The following DDAH1 variants were observed in gnomAD, a reference collection of about 807,000 sequenced individuals.
The protein encoded by DDAH1 is dimethylarginine dimethylaminohydrolase 1.
In DDAH1, 19 loss-of-function variants were observed where a neutral mutation model predicts 28.8. The ratio of observed to expected loss-of-function variants is 0.66; its 90% CI spans 0.46 to 0.97. The LOEUF (loss-of-function observed/expected upper bound fraction) is 0.97. Among genes scored for constraint, DDAH1 ranks in the 50% least tolerant of loss-of-function variants. The pLI is 0.00. For synonymous variants in DDAH1, 153 were observed against 154.4 expected (o/e 0.99, Z 0.07); for missense variants, 326 against 375.9 (o/e 0.87, Z 1.10).
chr1:85,406,337 A>T (rs1412669901), intron 1 of DDAH1, among the ~76,000 whole-genome samples: 3 of 152,144 alleles, frequency 2.0e-5, no homozygotes, highest in African/African-American at 7.2e-5. Context: ...TAAACTTAAA[A>T]ATATTTTTTT....
intron 1 of DDAH1, among the ~76,000 whole-genome samples, chr1:85,427,699 TTCTC>T (rs1653475378): frequency 1.3e-5 from 2 of 152,200 alleles, no homozygotes; most frequent in African/African-American, 2.4e-5. Flanking sequence ...AATATTTTGT[TTCTC>T]TCTAAGGATG....
chr1:85,336,927 T>C (rs769442614), intron 4 of DDAH1, among the ~76,000 whole-genome samples: 1 of 152,024 alleles, frequency 6.6e-6, no homozygotes, highest in Non-Finnish European at 1.5e-5. Flanking sequence ...CTGATGAATA[T>C]AGACACAAAA....
intron 1 of DDAH1, among the ~76,000 whole-genome samples, chr1:85,457,460 C>T (rs553761360): frequency 5.8e-4 from 88 of 152,188 alleles, no homozygotes; most frequent in African/African-American, 1.8e-3. Context: ...TGGACTGTGA[C>T]ATCCTCAGGG....
At chr1:85,408,506 C>T (rs1277758455) in intron 1 of DDAH1, among the ~76,000 whole-genome samples, 2 of 152,074 alleles carry the variant, frequency 1.3e-5, no homozygotes, top group Non-Finnish European at 2.9e-5. Flanking sequence ...TGTTCTATAA[C>T]TTACTTTACA....
chr1:85,533,566 T>C (rs1367433251), intron 1 of DDAH1, among the ~76,000 whole-genome samples: 2 of 152,016 alleles, frequency 1.3e-5, no homozygotes, highest in Non-Finnish European at 2.9e-5. Context: ...AAACAGAAGG[T>C]AAAAATGATA....
At chr1:85,345,060 A>G (rs1201321083) in intron 4 of DDAH1, among the ~76,000 whole-genome samples, 2 of 152,230 alleles carry the variant, frequency 1.3e-5, no homozygotes, top group African/African-American at 4.8e-5. Flanking sequence ...TGTAATATAT[A>G]AAGTATAACA....
At chr1:85,359,095 A>AT (rs986915583) in intron 1 of DDAH1, among the ~76,000 whole-genome samples, 33 of 152,256 alleles carry the variant, frequency 2.2e-4, no homozygotes, top group African/African-American at 7.2e-4. Flanking sequence ...ATACAGTGTC[A>AT]TTTTTTTCTG....
At chr1:85,359,184 T>C (rs1243131949) in intron 1 of DDAH1, among the ~76,000 whole-genome samples, 2 of 152,198 alleles carry the variant, frequency 1.3e-5, no homozygotes, top group African/African-American at 2.4e-5. Context: ...TAATGCACCA[T>C]TGGAAGCTGA....
intron 1 of DDAH1, among the ~76,000 whole-genome samples, chr1:85,388,778 A>C (rs1005075391): frequency 7.9e-5 from 12 of 152,166 alleles, no homozygotes; most frequent in Non-Finnish European, 1.5e-5. Flanking sequence ...TGTCACCTTC[A>C]CTGTGCTCCT....
intron 1 of DDAH1, among the ~76,000 whole-genome samples, chr1:85,415,372 A>G (rs1215206933): frequency 2.6e-5 from 4 of 152,180 alleles, no homozygotes; most frequent in Admixed American, 6.5e-5. Context: ...CTATTTCAGC[A>G]GTACTTACTA....
At chr1:85,503,070 A>T (rs1033067502) in intron 1 of DDAH1, among the ~76,000 whole-genome samples, 1 of 149,600 alleles carries the variant, frequency 6.7e-6, no homozygotes, top group Admixed American at 6.7e-5. Context: ...AATCCTATTA[A>T]TTGTCAAGAA....
chr1:85,331,975 T>C (rs938616084), intron 4 of DDAH1, among the ~76,000 whole-genome samples: 2 of 151,928 alleles, frequency 1.3e-5, no homozygotes, highest in Non-Finnish European at 2.9e-5. Flanking sequence ...GAGGAAAGGG[T>C]AAGTGAGAGA....
intron 1 of DDAH1, among the ~76,000 whole-genome samples, chr1:85,460,578 G>A (rs1047140252): frequency 6.6e-5 from 10 of 151,926 alleles, no homozygotes; most frequent in African/African-American, 1.7e-4. Context: ...TAGTCAACAG[G>A]GTACATGACA....
At chr1:85,456,933 A>G (rs1009666017) in intron 1 of DDAH1, among the ~76,000 whole-genome samples, 2 of 152,170 alleles carry the variant, frequency 1.3e-5, no homozygotes, top group African/African-American at 4.8e-5. Context: ...CTTAAAGTAG[A>G]CTTTAGTCAA....
intron 1 of DDAH1, among the ~76,000 whole-genome samples, chr1:85,400,217 G>T (rs1347140712): frequency 2.8e-5 from 2 of 70,988 alleles, no homozygotes; most frequent in East Asian, 8.0e-4. Flanking sequence ...TTGAGACGGA[G>T]TCTCAATCTG....
intron 1 of DDAH1, among the ~76,000 whole-genome samples, chr1:85,511,834 T>C (rs1018749112): frequency 2.0e-5 from 3 of 151,878 alleles, no homozygotes; most frequent in African/African-American, 7.3e-5. Flanking sequence ...CAATAACAGG[T>C]TCTGAAATTG....
At chr1:85,466,238 GT>G (rs113031236), upstream of DDAH1, among the ~76,000 whole-genome samples, 213 of 152,168 alleles carry the variant, frequency 1.4e-3, 2 homozygotes, top group African/African-American at 4.6e-3. Flanking sequence ...CATTTGAGGA[GT>G]TTTTTTTGTT....
intron 1 of DDAH1, among the ~76,000 whole-genome samples, chr1:85,422,795 G>C (rs966790603): frequency 2.0e-5 from 3 of 152,146 alleles, no homozygotes; most frequent in Non-Finnish European, 4.4e-5. Context: ...GGGCCCTCAT[G>C]ACGAGATTAG....
At chr1:85,559,826 A>T (rs1659091404) in intron 1 of DDAH1, among the ~76,000 whole-genome samples, 1 of 151,670 alleles carries the variant, frequency 6.6e-6, no homozygotes, top group Non-Finnish European at 1.5e-5. Flanking sequence ...AAATGAACAG[A>T]GCTTTTTGTC....
Sources: allele counts gnomAD v4.1 joint callset (sites outside exome capture counted in the v4.1 genomes callset), GRCh38; gene constraint gnomAD v4.1.1; transcripts MANE v1.5; gene names NCBI Gene and HGNC (gene_info 2026-07-23, HGNC 2026-07-21).